The following TRIP11 variants were observed in gnomAD, a reference collection of about 807,000 sequenced individuals.
TRIP11 encodes thyroid receptor-interacting protein 11.
In TRIP11, 148 loss-of-function variants were observed where a neutral mutation model predicts 223.1. That is an observed-to-expected ratio of 0.66 (90% CI 0.58 to 0.76). The LOEUF is 0.76. Ranked by LOEUF, TRIP11 falls within the 30% of genes least tolerant of loss-of-function variation. TRIP11 has a pLI of 0.00. For synonymous variants in TRIP11, 762 were observed against 772.6 expected, an observed-to-expected ratio of 0.99 and a Z score of 0.23; for missense variants, 2,043 against 2,222.0, an observed-to-expected ratio of 0.92 and a Z score of 1.62.
chr14:91,981,894 C>T (rs961589640), intron 16 of TRIP11, among the ~76,000 whole-genome samples: 4 of 151,352 alleles, frequency 2.6e-5, no homozygotes, highest in Non-Finnish European at 4.4e-5. Context: ...GCAGAAGGAT[C>T]ATTTGATGCC....
chr14:92,007,942 C>A (rs2056926154), intron 9 of TRIP11, 90 bp from the exon 10 acceptor site: 1 of 954,700 alleles, frequency 1.0e-6, no homozygotes, highest in African/African-American at 1.6e-5. Flanking sequence ...ACTTGGGATT[C>A]TATTTAAGTG....
intron 16 of TRIP11, among the ~76,000 whole-genome samples, chr14:91,977,573 C>T (rs1332337551): frequency 6.6e-6 from 1 of 151,830 alleles, no homozygotes; most frequent in African/African-American, 2.4e-5. Flanking sequence ...ACTCTAAATT[C>T]CCACTGTAAG....
intron 1 of TRIP11, 44 bp from the exon 2 acceptor site, chr14:92,033,297 A>T: frequency 6.3e-6 from 9 of 1,420,114 alleles, no homozygotes; most frequent in Middle Eastern, 1.8e-4. Context: ...TCAATACCAT[A>T]TGAAGTAATA....
chr14:91,988,556 T>C (rs2056632398), intron 15 of TRIP11, among the ~76,000 whole-genome samples, 173 bp from the exon 16 acceptor site: 1 of 150,970 alleles, frequency 6.6e-6, no homozygotes, highest in East Asian at 1.9e-4. Context: ...CACATTCTTT[T>C]CAATACAATA....
intron 1 of TRIP11, among the ~76,000 whole-genome samples, chr14:92,036,590 C>T (rs1348768196): frequency 2.0e-5 from 3 of 152,214 alleles, no homozygotes; most frequent in East Asian, 1.9e-4. Context: ...TTAGGTAAAA[C>T]TGCAACCTTC....
intron 16 of TRIP11, among the ~76,000 whole-genome samples, chr14:91,984,995 C>T (rs1031310739): frequency 1.2e-4 from 18 of 152,230 alleles, no homozygotes; most frequent in African/African-American, 3.4e-4. Context: ...TACTTAGGAT[C>T]GTAGGATTTA....
chr14:91,991,944 G>T (rs765761841), intron 15 of TRIP11, among the ~76,000 whole-genome samples: 1 of 151,728 alleles, frequency 6.6e-6, no homozygotes, highest in African/African-American at 2.4e-5. Flanking sequence ...TTAGCCAGGC[G>T]TGATGGTGTG....
intron 2 of TRIP11, among the ~76,000 whole-genome samples, chr14:92,028,594 T>C (rs2057219511): frequency 6.6e-6 from 1 of 152,138 alleles, no homozygotes; most frequent in South Asian, 2.1e-4. Context: ...GAAGGACAGT[T>C]TCTCTTCATG....
intron 19 of TRIP11, 38 bp from the exon 20 acceptor site, chr14:91,972,899 T>C (rs781736978): frequency 6.5e-6 from 10 of 1,526,976 alleles, no homozygotes; most frequent in Non-Finnish European, 9.0e-6. Context: ...GGCTAGATAA[T>C]TAAGTTATAT....
chr14:91,990,168 A>AT (rs2056654595), intron 15 of TRIP11, among the ~76,000 whole-genome samples: 1 of 146,776 alleles, frequency 6.8e-6, no homozygotes, highest in Admixed American at 6.6e-5. Context: ...AACCTGATTG[A>AT]TATATAGAGG....
At chr14:91,983,834 T>C (rs1220544968) in intron 16 of TRIP11, among the ~76,000 whole-genome samples, 1 of 152,242 alleles carries the variant, frequency 6.6e-6, no homozygotes, top group African/African-American at 2.4e-5. Context: ...TATGTTTTCT[T>C]GTATAAATCA....
In TRIP11 at chr14:91,969,292, A is replaced by T; in HGVS notation, c.*381T>A. 3.2e-6 allele frequency: 1 copy of T among 309,174 alleles called. No homozygotes were observed. The highest frequency in any genetic ancestry group is 5.2e-5 in the East Asian group (1 of 19,232). The allele number at this position is 309,174 out of a possible 1,614,324, so 19.2% of individuals were successfully genotyped here. On this transcript the variant is annotated 3_prime_UTR_variant, in exon 21 of 21. Coordinates refer to ENST00000267622, the MANE Select transcript of TRIP11 (RefSeq NM_004239.4). The stretch of plus-strand genomic sequence containing the variant: ...TAGTATTTTTTTATTCTTCGTTTAA[A>T]AAAAAAAAACACTCTCTTGATAAAC...
At position 91,967,948 on chromosome 14, in the gene TRIP11, G is replaced by A. The variant is rs868140405; in HGVS notation, c.*1725C>T. 5 of 200,640 alleles carry A rather than the reference G, an allele frequency of 2.5e-5. No homozygotes were observed. The highest frequency in any genetic ancestry group is 1.2e-4 in the Admixed American group (2 of 16,690). 12.4% of individuals were successfully genotyped at this position (200,640 alleles called of 1,614,324 possible). A position where few individuals can be genotyped will look rare whatever the true frequency, so the allele number is the denominator to read the frequency against. On this transcript the variant is annotated 3_prime_UTR_variant, in exon 21 of 21. Transcript: ENST00000267622. ...AACTTGCATGACAACTTCCTTTAAAGTATAGTAAATAAAGAATGGCAATAT... is the reference window on the plus strand; with the variant it reads ...AACTTGCATGACAACTTCCTTTAAAATATAGTAAATAAAGAATGGCAATAT...
intron 9 of TRIP11, among the ~76,000 whole-genome samples, chr14:92,010,687 C>G (rs986564014): frequency 6.6e-6 from 1 of 152,006 alleles, no homozygotes; most frequent in African/African-American, 2.4e-5. Context: ...TCCTGACCTA[C>G]CTGTGTATGT....
rs780848051 is a variant in TRIP11, at chr14:91,974,721, C to A, written c.5480G>T (p.Gly1827Val). 7 of 1,613,082 alleles carry A rather than the reference C, an allele frequency of 4.3e-6. No homozygotes were observed. In the South Asian group the frequency reaches 7.7e-5, roughly 18 times the overall value. The part of the protein sequence containing the change: ...MEQLFHDDQG[G>V]VTRWMTGWLG... ...CCACCCAGTCATCCACCTGGTAACA[C>A]CGCCCTGATCGTCATGAAACAACTG... Residue 1827 changes from glycine (G) to valine (V), a missense_variant, in exon 19 of 21, where the codon GGT becomes GTT. Physicochemically the swap from Gly to Val is moderately radical, Grantham distance 109. Coordinates refer to ENST00000267622, the MANE Select transcript of TRIP11 (RefSeq NM_004239.4).
chr14:92,007,846 G>GT lies in TRIP11; in HGVS notation c.1320dup (p.Leu441ThrfsTer11). 6.2e-7 allele frequency: 1 copy of GT among 1,606,216 alleles called. No homozygotes were observed. On this transcript the variant is annotated frameshift_variant, in exon 10 of 21. Coordinates refer to ENST00000267622, the MANE Select transcript of TRIP11 (RefSeq NM_004239.4). LOFTEE classifies it high-confidence loss of function. Reference sequence around the variant, plus strand: ...TTCAATTTTAAAAGTGACATCTGAAGTTCTTCCTGAAATGATAAAAGGAAA... The same window carrying GT: ...TTCAATTTTAAAAGTGACATCTGAAGTTTCTTCCTGAAATGATAAAAGGAAA...
chr14:91,969,881 G>T lies in TRIP11; in HGVS notation c.5732C>A (p.Ser1911Tyr), dbSNP rs1254450059. 1.9e-6 allele frequency: 3 copies of T among 1,613,848 alleles called. No homozygotes were observed. The highest frequency in any genetic ancestry group is 1.1e-5 in the South Asian group (1 of 91,038). ...TACATCTGTTCTTCTACCAGACCTG[G>T]ATTCTGCTGTATCTAAAGAATAAAA... Reference protein sequence around the residue: ...APESFKDTAESRSGRRTDVNP... With the variant: ...APESFKDTAEYRSGRRTDVNP... The change falls in exon 21 of 21, where the codon TCC becomes TAC. Residue 1911 changes from serine (S) to tyrosine (Y), a missense_variant. Physicochemically the swap from Ser to Tyr is moderately radical, Grantham distance 144. Coordinates refer to ENST00000267622, the MANE Select transcript of TRIP11 (RefSeq NM_004239.4).
chr14:91,993,861 G>C lies in TRIP11; in HGVS notation c.5108C>G (p.Ala1703Gly). The change falls in exon 15 of 21, where the codon GCT (alanine) becomes GGT (glycine). Residue 1703 changes from alanine (A) to glycine (G), a missense_variant. Coordinates refer to ENST00000267622, the MANE Select transcript of TRIP11 (RefSeq NM_004239.4). ...ATTTTCTGCGTTTTTCTTCCATTCA[G>C]CTATAAGCTGTTTTTGCTTTTCGAG... ...AELEKQKQLI[A>G]EWKKNAENLE... The C allele has an allele frequency of 1.2e-6, 2 of 1,613,710 alleles. No homozygotes were observed. The highest frequency in any genetic ancestry group is 1.7e-6 in the Non-Finnish European group (2 of 1,179,926).
chr14:91,974,562 G>C lies in TRIP11; in HGVS notation c.5574+65C>G, dbSNP rs74071676. On this transcript the variant is annotated intron_variant, in intron 19 of 20. Transcript: ENST00000267622. ...ATTTTAAAAAAAAATCTGATTCTTT[G>C]CAAATGAATGTAATATACAGTCATT... is the stretch of plus-strand genomic sequence containing the variant. The C allele has an allele frequency of 8.1e-3, 10,275 of 1,265,118 alleles. 341 individuals are homozygous for C. Among genetic ancestry groups the C allele is most frequent in the African/African-American group, 0.076 (5,149 of 67,872 alleles). The allele number at this position is 1,265,118 out of a possible 1,614,324, so 78.4% of individuals were successfully genotyped here.
Sources: gnomAD v4.1 joint callset for allele counts (sites outside exome capture counted in the v4.1 genomes callset) on GRCh38, gnomAD v4.1.1 for gene constraint, MANE v1.5 for transcripts, NCBI Gene and HGNC (gene_info 2026-07-23, HGNC 2026-07-21) for gene names.